PACSIN2: variants seen among roughly 807,000 people sequenced by gnomAD.
PACSIN2 encodes protein kinase C and casein kinase substrate in neurons 2, also known as protein kinase C and casein kinase substrate in neurons protein 2.
PACSIN2 carries 25 observed loss-of-function variants against 63.8 expected under a neutral mutation model. The ratio of observed to expected loss-of-function variants is 0.39; its 90% CI spans 0.29 to 0.55. PACSIN2 has a LOEUF of 0.55. Ranked by LOEUF, PACSIN2 falls within the 20% of genes least tolerant of loss-of-function variation. The probability of loss-of-function intolerance (pLI) is 0.62; values close to 1 mark genes in which losing one functional copy is unlikely to be tolerated. For missense variants in PACSIN2, 518 were observed against 646.9 expected, an observed-to-expected ratio of 0.80 and a Z score of 2.16; for synonymous variants, 255 against 256.2, an observed-to-expected ratio of 1.00 and a Z score of 0.05.
chr22:42,958,285 T>C (rs1012020599), intron 1 of PACSIN2, among the ~76,000 whole-genome samples: 2 of 152,000 alleles, frequency 1.3e-5, no homozygotes, highest in Non-Finnish European at 2.9e-5. Context: ...GTGAGGATCC[T>C]GGAATATTAA....
chr22:42,888,531 A>G, intron 5 of PACSIN2, 112 bp downstream of exon 5: 2 of 1,068,412 alleles, frequency 1.9e-6, no homozygotes, highest in Non-Finnish European at 2.8e-6. Flanking sequence ...TTTATTGGTT[A>G]TTTATCCCTC....
At position 42,995,325 on chromosome 22, in the gene PACSIN2, AAAG is replaced by A. The variant is rs1387385326; in HGVS notation, c.-78+19693_-78+19695del. 2.0e-5 allele frequency among the ~76,000 whole-genome samples: 3 copies of A among 152,248 alleles called. No individual in the cohort carries two copies. The East Asian group carries it at 5.8e-4, about 29-fold the overall frequency. On this transcript the variant is annotated intron_variant, in intron 1 of 10. Transcript: ENST00000263246. ...ACAAAGTTATTCAATGCAAATATTT[AAAG>A]AACAGGCTGCTTTTGGTGCCAGGAG...
At chr22:43,010,398 A>ATATATATATATATATATATATATATATTT in intron 1 of PACSIN2, among the ~76,000 whole-genome samples, 5 of 126,406 alleles carry the variant, frequency 4.0e-5, no homozygotes, top group East Asian at 4.2e-4. Flanking sequence ...ATATATATAT[A>ATATATATATATATATATATATATATATTT]TTTTTTTTTA....
intron 1 of PACSIN2, among the ~76,000 whole-genome samples, chr22:42,949,045 C>A (rs976607366): frequency 1.3e-5 from 2 of 152,102 alleles, no homozygotes; most frequent in Admixed American, 6.6e-5. Flanking sequence ...GTAATCCCAG[C>A]ACTTTGGGAG....
intron 2 of PACSIN2, among the ~76,000 whole-genome samples, chr22:42,911,553 G>A (rs905753706): frequency 2.0e-5 from 3 of 152,156 alleles, no homozygotes; most frequent in African/African-American, 7.2e-5. Flanking sequence ...ACAGACTGGC[G>A]GCAGATGCTC....
At chr22:42,880,977 G>T (rs918415527) in intron 7 of PACSIN2, among the ~76,000 whole-genome samples, 9 of 152,248 alleles carry the variant, frequency 5.9e-5, no homozygotes, top group Non-Finnish European at 1.2e-4. Flanking sequence ...CAGAGGAGAG[G>T]CTGGGCTTTG....
intron 1 of PACSIN2, among the ~76,000 whole-genome samples, chr22:42,916,659 A>G (rs567155477): frequency 6.6e-6 from 1 of 152,036 alleles, no homozygotes; most frequent in East Asian, 1.9e-4. Context: ...AGTCCGCTCT[A>G]TGGCTCCTCC....
At chr22:42,967,126 G>A (rs192880139) in intron 1 of PACSIN2, among the ~76,000 whole-genome samples, 86 of 152,150 alleles carry the variant, frequency 5.7e-4, no homozygotes, top group Non-Finnish European at 9.1e-4. Context: ...ACTAGGCAGG[G>A]AATGTGGAAG....
Position 42,876,428 on chromosome 22 carries a change from C to A in PACSIN2, c.1152-95G>T, listed in dbSNP as rs551706698. ...AGGGGAGGGCACTGGAGCCTTGGGG[C>A]TCAGGGCTGAGGGCTCCTTCCGAAG... On this transcript the variant is annotated intron_variant, in intron 9 of 10. Transcript: ENST00000263246. The A allele has an allele frequency of 4.7e-6, 5 of 1,073,530 alleles. No individual in the cohort carries two copies. In the African/African-American group the frequency reaches 7.9e-5, roughly 17 times the overall value. 66.5% of individuals were successfully genotyped at this position (1,073,530 alleles called of 1,614,324 possible). A position where few individuals can be genotyped will look rare whatever the true frequency, so the allele number is the denominator to read the frequency against.
chr22:42,897,484 T>C (rs904828745), intron 2 of PACSIN2, among the ~76,000 whole-genome samples: 7 of 152,254 alleles, frequency 4.6e-5, no homozygotes, highest in African/African-American at 1.2e-4. Flanking sequence ...AATATAAGCA[T>C]GCTTTCTTCC....
chr22:42,970,420 A>G (rs548243560), intron 1 of PACSIN2, among the ~76,000 whole-genome samples: 12 of 152,364 alleles, frequency 7.9e-5, no homozygotes, highest in African/African-American at 1.4e-4. Flanking sequence ...AAATCCAAAG[A>G]AAGTCCATAG....
At chr22:42,951,336 C>T (rs1933682435) in intron 1 of PACSIN2, among the ~76,000 whole-genome samples, 1 of 152,174 alleles carries the variant, frequency 6.6e-6, no homozygotes, top group Non-Finnish European at 1.5e-5. Flanking sequence ...ACCCTGTGCA[C>T]ACCCGTGGTG....
chr22:42,902,811 G>A (rs983344482), intron 2 of PACSIN2, among the ~76,000 whole-genome samples: 1 of 152,078 alleles, frequency 6.6e-6, no homozygotes, highest in Non-Finnish European at 1.5e-5. Context: ...ACAGGGCTTC[G>A]CCATGTTGGC....
At chr22:42,981,392 G>T (rs1469350183) in intron 1 of PACSIN2, among the ~76,000 whole-genome samples, 1 of 140,610 alleles carries the variant, frequency 7.1e-6, no homozygotes. Flanking sequence ...CGCCCCGTCC[G>T]GGAGGTGAGG....
intron 1 of PACSIN2, among the ~76,000 whole-genome samples, chr22:42,986,364 T>C (rs1922610085): frequency 6.6e-6 from 1 of 151,926 alleles, no homozygotes; most frequent in African/African-American, 2.4e-5. Flanking sequence ...AAGAAAACAC[T>C]CGTGAGTATC....
chr22:42,964,044 A>G lies in PACSIN2; in HGVS notation c.-78+50977T>C, dbSNP rs150928048. On this transcript the variant is annotated intron_variant, in intron 1 of 10. Transcript: ENST00000263246. ...AGGGTAGGACATTTTCATTACCTCA[A>G]AGAGAAACCCTGTACCCTTTAGCTA... is the stretch of plus-strand genomic sequence containing the variant. Among the ~76,000 whole-genome samples the G allele has an allele frequency of 4.5e-3, 692 of 152,326 alleles. 4 individuals are homozygous for G. Among genetic ancestry groups the G allele is most frequent in the Non-Finnish European group, 7.4e-3 (503 of 68,022 alleles).
At chr22:42,982,774 C>T (rs1922273706) in intron 1 of PACSIN2, among the ~76,000 whole-genome samples, 1 of 138,460 alleles carries the variant, frequency 7.2e-6, no homozygotes, top group Admixed American at 7.8e-5. Context: ...AAACCAGAGA[C>T]CTTTGTTCAC....
intron 1 of PACSIN2, among the ~76,000 whole-genome samples, chr22:42,953,117 T>TA (rs1287760543): frequency 1.3e-5 from 2 of 151,828 alleles, no homozygotes; most frequent in African/African-American, 2.4e-5. Flanking sequence ...TTGCAGGATT[T>TA]AAAAAAATCA....
chr22:42,926,670 A>G (rs561211990), intron 1 of PACSIN2, among the ~76,000 whole-genome samples: 2 of 132,142 alleles, frequency 1.5e-5, no homozygotes, highest in South Asian at 4.5e-4. Flanking sequence ...TTCTTCCCAC[A>G]GGAAAAAAAA....
Sources: allele counts gnomAD v4.1 joint callset (sites outside exome capture counted in the v4.1 genomes callset), GRCh38; gene constraint gnomAD v4.1.1; transcripts MANE v1.5; gene names NCBI Gene and HGNC (gene_info 2026-07-23, HGNC 2026-07-21).